The following ADGRL3 variants were observed in gnomAD, a reference collection of about 807,000 sequenced individuals.
ADGRL3 encodes the protein adhesion G protein-coupled receptor L3.
Under a neutral mutation model 153.5 loss-of-function variants are expected in ADGRL3, and 62 were observed. That is an observed-to-expected ratio of 0.40 (90% CI 0.33 to 0.50). The LOEUF is 0.50. Among genes scored for constraint, ADGRL3 ranks in the 20% least tolerant of loss-of-function variants. ADGRL3 has a pLI of 0.47. For missense variants in ADGRL3, 1,641 were observed against 1,859.4 expected (o/e 0.88, Z 2.16); for synonymous variants, 710 against 672.5 (o/e 1.06, Z -0.86).
At chr4:61,791,355 G>T (rs1278272278) in intron 8 of ADGRL3, among the ~76,000 whole-genome samples, 2 of 152,172 alleles carry the variant, frequency 1.3e-5, no homozygotes, top group African/African-American at 4.8e-5. Flanking sequence ...AATCCAGGGA[G>T]GGCAGTCAAA....
At position 61,397,669 on chromosome 4, in the gene ADGRL3, A is replaced by T. The variant is rs1578636009; in HGVS notation, c.-174+14480A>T. ...TTCAGTTTTCTAATTGCTTCATATG[A>T]ATACCTCTACCAGGAAGATTTGAGA... On this transcript the variant is annotated intron_variant, in intron 2 of 26. Transcript: ENST00000683033. Among the ~76,000 whole-genome samples, 3 of 151,866 alleles carry T rather than the reference A, an allele frequency of 2.0e-5. No individual in the cohort carries two copies. In the South Asian group the frequency reaches 6.2e-4, roughly 31 times the overall value.
chr4:61,283,548 A>T (rs2093809031), intron 1 of ADGRL3, among the ~76,000 whole-genome samples: 1 of 151,760 alleles, frequency 6.6e-6, no homozygotes, highest in South Asian at 2.1e-4. Context: ...TTTGTCACTA[A>T]CTCTGGCCTT....
intron 5 of ADGRL3, among the ~76,000 whole-genome samples, chr4:61,626,666 A>G (rs1258764431): frequency 2.0e-5 from 3 of 152,114 alleles, no homozygotes; most frequent in Non-Finnish European, 4.4e-5. Flanking sequence ...AAGTAGTTTG[A>G]TGCTGATGAA....
At chr4:61,325,166 G>A (rs921293296) in intron 1 of ADGRL3, among the ~76,000 whole-genome samples, 2 of 152,004 alleles carry the variant, frequency 1.3e-5, no homozygotes, top group South Asian at 2.1e-4. Context: ...ACAAAAATTA[G>A]CTGGGCGTGG....
intron 13 of ADGRL3, among the ~76,000 whole-genome samples, chr4:61,919,234 C>T (rs1209090967): frequency 1.3e-5 from 2 of 152,090 alleles, no homozygotes; most frequent in Non-Finnish European, 2.9e-5. Context: ...CAAGAGATTT[C>T]GATGTTTGCC....
chr4:61,556,351 G>T (rs559456804), intron 4 of ADGRL3, among the ~76,000 whole-genome samples: 2 of 152,218 alleles, frequency 1.3e-5, no homozygotes, highest in African/African-American at 4.8e-5. Flanking sequence ...GAGTACAAAA[G>T]GCTGTGAGAC....
rs28569314 is a variant in ADGRL3 at position 61,920,431 on chromosome 4, A to T, written c.2112+7674A>T. On this transcript the variant is annotated intron_variant, in intron 13 of 26. Transcript: ENST00000683033. The stretch of plus-strand genomic sequence containing the variant: ...GTAAAGTAGTTGTCTGAGAGCGTGG[A>T]TCCAAACAAATGATTTTTCAGGACT... Among the ~76,000 whole-genome samples, 1,433 of 152,318 alleles carry T rather than the reference A, an allele frequency of 9.4e-3. 24 individuals are homozygous for T. Among genetic ancestry groups the T allele is most frequent in the African/African-American group, 0.033 (1,390 of 41,568 alleles).
At chr4:61,366,584 A>C (rs1333355963) in intron 1 of ADGRL3, among the ~76,000 whole-genome samples, 1 of 152,208 alleles carries the variant, frequency 6.6e-6, no homozygotes, top group Non-Finnish European at 1.5e-5. Flanking sequence ...AAATTGGCTT[A>C]ATTGGATCAA....
chr4:61,439,495 G>T (rs1238314490), intron 2 of ADGRL3, among the ~76,000 whole-genome samples: 1 of 152,164 alleles, frequency 6.6e-6, no homozygotes, highest in Admixed American at 6.5e-5. Context: ...ATGGGTGCAT[G>T]TGCAGAACGT....
intron 6 of ADGRL3, among the ~76,000 whole-genome samples, chr4:61,720,175 C>T (rs984198927): frequency 6.6e-6 from 1 of 151,362 alleles, no homozygotes; most frequent in African/African-American, 2.4e-5. Context: ...CTGCAAGCTC[C>T]GCCTCCCAGG....
chr4:61,437,844 T>C (rs1410062294), intron 2 of ADGRL3, among the ~76,000 whole-genome samples: 1 of 151,976 alleles, frequency 6.6e-6, no homozygotes, highest in Non-Finnish European at 1.5e-5. Context: ...CTCGTCCTCC[T>C]CCCTCCCTCC....
At chr4:61,597,588 C>T (rs2098994258) in intron 5 of ADGRL3, among the ~76,000 whole-genome samples, 1 of 151,328 alleles carries the variant, frequency 6.6e-6, no homozygotes. Flanking sequence ...TTTAAAATAT[C>T]ATATTATAAT....
intron 6 of ADGRL3, among the ~76,000 whole-genome samples, chr4:61,697,730 C>A (rs139108829): frequency 7.2e-5 from 11 of 151,988 alleles, no homozygotes; most frequent in Admixed American, 2.0e-4. Context: ...AAACATCAGC[C>A]CAGTATAGGA....
chr4:61,803,466 C>A (rs892560370), intron 8 of ADGRL3, among the ~76,000 whole-genome samples: 2 of 152,080 alleles, frequency 1.3e-5, no homozygotes, highest in Non-Finnish European at 2.9e-5. Context: ...AAGCTCTATT[C>A]ATCTATGACA....
At chr4:61,867,246 C>T (rs1168953455) in intron 9 of ADGRL3, among the ~76,000 whole-genome samples, 1 of 151,690 alleles carries the variant, frequency 6.6e-6, no homozygotes, top group Admixed American at 6.6e-5. Flanking sequence ...TGCCTGTAAC[C>T]ACAGCACTTT....
At chr4:61,779,037 G>A (rs545992662) in intron 8 of ADGRL3, among the ~76,000 whole-genome samples, 1 of 150,088 alleles carries the variant, frequency 6.7e-6, no homozygotes, top group South Asian at 2.1e-4. Flanking sequence ...AAGCCTGGGT[G>A]ACAGAGGGAG....
At position 61,817,162 on chromosome 4, in the gene ADGRL3, C is replaced by T. The variant is rs1010921280; in HGVS notation, c.1480+3273C>T. Among the ~76,000 whole-genome samples, 201 of 142,986 alleles carry T rather than the reference C, an allele frequency of 1.4e-3. 1 individual carries two copies. Among genetic ancestry groups the T allele is most frequent in the African/African-American group, 5.2e-3 (198 of 38,166 alleles). 93.8% of individuals were successfully genotyped at this position (142,986 alleles called of 152,430 possible). On this transcript the variant is annotated intron_variant, in intron 9 of 26. Coordinates refer to ENST00000683033, the MANE Select transcript of ADGRL3 (RefSeq NM_001387552.1). ...ACAGGTCTGCAGACCCCCCCCCCCCCACCAAGGCATGAAAACCCTGGGCAC... is the reference window on the plus strand; with the variant it reads ...ACAGGTCTGCAGACCCCCCCCCCCCTACCAAGGCATGAAAACCCTGGGCAC...
At chr4:61,378,238 C>A (rs773206317) in intron 1 of ADGRL3, among the ~76,000 whole-genome samples, 1 of 151,916 alleles carries the variant, frequency 6.6e-6, no homozygotes, top group Non-Finnish European at 1.5e-5. Flanking sequence ...AAATGACTGG[C>A]TAATTTCTAT....
intron 9 of ADGRL3, among the ~76,000 whole-genome samples, chr4:61,817,748 C>T (rs1194651169): frequency 6.6e-6 from 1 of 152,154 alleles, no homozygotes; most frequent in Non-Finnish European, 1.5e-5. Context: ...AGGTGAAAGG[C>T]ATATCTTATG....
Sources: allele counts gnomAD v4.1 joint callset (sites outside exome capture counted in the v4.1 genomes callset), GRCh38; gene constraint gnomAD v4.1.1; transcripts MANE v1.5; gene names NCBI Gene and HGNC (gene_info 2026-07-23, HGNC 2026-07-21).